LRRIQ4: variants seen among roughly 807,000 people sequenced by gnomAD.
LRRIQ4 encodes the protein leucine rich repeats and IQ motif containing 4, also known as leucine-rich repeat and IQ domain-containing protein 4.
Under a neutral mutation model 40.1 loss-of-function variants are expected in LRRIQ4, and 21 were observed. That is an observed-to-expected ratio of 0.52 (90% CI 0.37 to 0.75). The LOEUF is 0.75. LRRIQ4 is among the 30% of genes least tolerant of loss of function. The pLI is 0.00. For synonymous variants in LRRIQ4, 277 were observed against 277.1 expected (o/e 1.00, Z 0.00); for missense variants, 655 against 660.0 (o/e 0.99, Z 0.08).
At chr3:169,818,157 C>A (rs151203287) in intron 1 of LRRIQ4, among the ~76,000 whole-genome samples, 6 of 152,316 alleles carry the variant, frequency 3.9e-5, no homozygotes, top group Non-Finnish European at 8.8e-5. Context: ...GCACTGAAGT[C>A]CATTCCAAAG....
intron 2 of LRRIQ4, among the ~76,000 whole-genome samples, 153 bp downstream of exon 2, chr3:169,823,094 C>G (rs75794543): frequency 0.078 from 11,871 of 152,242 alleles, 582 homozygotes; most frequent in Middle Eastern, 0.12. Flanking sequence ...TTGTATTACT[C>G]TCTTTTTCCC....
chr3:169,825,089 C>T (rs1187997858), intron 2 of LRRIQ4, among the ~76,000 whole-genome samples: 1 of 150,760 alleles, frequency 6.6e-6, no homozygotes, highest in African/African-American at 2.4e-5. Flanking sequence ...CTCACTGCAA[C>T]CTCCACCTCC....
chr3:169,830,776 C>A, intron 4 of LRRIQ4, 146 bp downstream of exon 4: 1 of 962,066 alleles, frequency 1.0e-6, no homozygotes, highest in Non-Finnish European at 1.5e-6. Context: ...GCTCACTTAG[C>A]GACATGGGGG....
chr3:169,832,942 T>G, intron 4 of LRRIQ4, 45 bp from the exon 5 acceptor site: 1 of 1,532,556 alleles, frequency 6.5e-7, no homozygotes. Context: ...AAGTTAATAT[T>G]GTTTCTTCTA....
chr3:169,818,384 G>T (rs1302796279), intron 1 of LRRIQ4, among the ~76,000 whole-genome samples: 1 of 152,160 alleles, frequency 6.6e-6, no homozygotes, highest in African/African-American at 2.4e-5. Flanking sequence ...TGTGTGAATA[G>T]TTGTTCAATT....
intron 1 of LRRIQ4, among the ~76,000 whole-genome samples, chr3:169,820,472 T>A (rs1779860049): frequency 6.6e-6 from 1 of 151,494 alleles, no homozygotes; most frequent in Non-Finnish European, 1.5e-5. Context: ...AAAAAAAAAG[T>A]TTGCTAAAAT....
intron 1 of LRRIQ4, among the ~76,000 whole-genome samples, chr3:169,815,952 G>A (rs1169474080): frequency 2.6e-5 from 4 of 152,142 alleles, no homozygotes; most frequent in South Asian, 2.1e-4. Flanking sequence ...ATTGATTTGT[G>A]TATGTTGAGC....
Position 169,822,747 on chromosome 3 carries a change from A to T in LRRIQ4, c.826A>T (p.Ile276Phe). 1 of 1,613,812 alleles carries T rather than the reference A, an allele frequency of 6.2e-7. No individual in the cohort carries two copies. Among genetic ancestry groups the T allele is most frequent in the Non-Finnish European group, 8.5e-7 (1 of 1,179,798 alleles). The change falls in exon 2 of 6, where the codon ATT becomes TTT. Residue 276 changes from isoleucine (I) to phenylalanine (F), a missense_variant. Ile to Phe is a conservative substitution (Grantham distance 21). Transcript: ENST00000340806. ...GNRLEKVPRLICRWTSLHLLY... is the reference protein window; with the variant it reads ...GNRLEKVPRLFCRWTSLHLLY... ...CCGCCTGGAGAAGGTGCCACGCCTC[A>T]TTTGCAGGTGGACCTCGCTGCACCT...
intron 3 of LRRIQ4, 82 bp from the exon 4 acceptor site, chr3:169,830,395 AAAAAAAAAAAAAAAT>A: frequency 2.1e-6 from 1 of 471,906 alleles, no homozygotes. Context: ...AAAAAAAAAA[AAAAAAAAAAAAAAAT>A]GCATGAGCAC....
At chr3:169,834,159 C>T (rs1254082830) in intron 5 of LRRIQ4, among the ~76,000 whole-genome samples, 2 of 152,002 alleles carry the variant, frequency 1.3e-5, no homozygotes, top group Admixed American at 1.3e-4. Context: ...GTCAGGAGTT[C>T]GAGATCAGCC....
At position 169,830,377 on chromosome 3, in the gene LRRIQ4, G is replaced by GAAAAAAA. The variant is rs56795981; in HGVS notation, c.1195-89_1195-83dup. ...AATGCGTAATTTCCCCACTGAAAGT[G>GAAAAAAA]AAAAAAAAAAAAAAAAAAAAAAAAA... On this transcript the variant is annotated intron_variant, in intron 3 of 5. Coordinates refer to ENST00000340806, the MANE Select transcript of LRRIQ4 (RefSeq NM_001080460.3). 554 of 106,636 alleles carry GAAAAAAA rather than the reference G, an allele frequency of 5.2e-3. 137 individuals are homozygous for GAAAAAAA. The highest frequency in any genetic ancestry group is 0.011 in the African/African-American group (196 of 17,208). The allele number at this position is 106,636 out of a possible 1,614,324, so 6.6% of individuals were successfully genotyped here.
chr3:169,824,959 C>T (rs951857464), intron 2 of LRRIQ4, among the ~76,000 whole-genome samples: 3 of 151,834 alleles, frequency 2.0e-5, no homozygotes, highest in Non-Finnish European at 2.9e-5. Context: ...CTCATGTGTT[C>T]CCTATAAATT....
rs1780282150 is a variant in LRRIQ4 at position 169,835,367 on chromosome 3, TGTG to T, written c.1531-2111_1531-2109del. On this transcript the variant is annotated intron_variant, in intron 5 of 5. Coordinates refer to ENST00000340806, the MANE Select transcript of LRRIQ4 (RefSeq NM_001080460.3). Reference sequence around the variant, plus strand: ...TTGTACTTTGAATTGTCTTTTTCTGTGTGTGTGTGTGTGTGTGTGTGTGTGTGT... The same window carrying T: ...TTGTACTTTGAATTGTCTTTTTCTGTTGTGTGTGTGTGTGTGTGTGTGTGT... 3.4e-5 allele frequency among the ~76,000 whole-genome samples: 5 copies of T among 148,978 alleles called. 1 individual carries two copies. Among genetic ancestry groups the T allele is most frequent in the South Asian group, 4.3e-4 (2 of 4,700 alleles).
chr3:169,819,266 C>CA (rs1403714458), intron 1 of LRRIQ4, among the ~76,000 whole-genome samples: 1 of 152,040 alleles, frequency 6.6e-6, no homozygotes. Context: ...ATTAAATCCA[C>CA]AAATGAACGT....
intron 2 of LRRIQ4, among the ~76,000 whole-genome samples, chr3:169,825,929 A>T (rs1482845793): frequency 6.6e-6 from 1 of 152,144 alleles, no homozygotes; most frequent in East Asian, 1.9e-4. Flanking sequence ...TCAATGAAAC[A>T]TGGCCTTTAA....
chr3:169,837,593 G>A lies in LRRIQ4; in HGVS notation c.1645G>A (p.Asp549Asn). ...TSPKDKKGKK[D>N]VKGKPGKGKK... is the part of the protein sequence containing the mutation. ...TCCAAAAGATAAGAAAGGAAAGAAG[G>A]ATGTAAAAGGAAAACCAGGAAAGGG... Residue 549 changes from aspartate to asparagine, a missense_variant, in exon 6 of 6, where the codon GAT (aspartate) becomes AAT (asparagine). By Grantham distance (23) the Asp-to-Asn change is conservative. Transcript: ENST00000340806. 6.3e-7 allele frequency: 1 copy of A among 1,589,520 alleles called. No homozygotes were observed. The highest frequency in any genetic ancestry group is 8.6e-7 in the Non-Finnish European group (1 of 1,168,980).
intron 1 of LRRIQ4, among the ~76,000 whole-genome samples, chr3:169,818,207 A>T (rs1474018418): frequency 1.3e-5 from 2 of 152,134 alleles, no homozygotes; most frequent in Non-Finnish European, 2.9e-5. Context: ...AAGCACACTT[A>T]TTCTCTCTCT....
intron 1 of LRRIQ4, among the ~76,000 whole-genome samples, chr3:169,815,033 T>G (rs572496712): frequency 6.6e-6 from 1 of 152,238 alleles, no homozygotes; most frequent in African/African-American, 2.4e-5. Context: ...GTTTGGCTAC[T>G]TTAGCTCTGC....
intron 1 of LRRIQ4, among the ~76,000 whole-genome samples, 187 bp from the exon 2 acceptor site, chr3:169,821,704 C>T (rs1378780330): frequency 1.3e-5 from 2 of 150,942 alleles, no homozygotes; most frequent in Non-Finnish European, 2.9e-5. Context: ...TGTGAGTCTA[C>T]GTGTTAGGGG....
Sources: gnomAD v4.1 joint callset for allele counts (sites outside exome capture counted in the v4.1 genomes callset) on GRCh38, gnomAD v4.1.1 for gene constraint, MANE v1.5 for transcripts, NCBI Gene and HGNC (gene_info 2026-07-23, HGNC 2026-07-21) for gene names.